The following DCAF7 variants were observed in gnomAD, a reference collection of about 807,000 sequenced individuals.
DCAF7 encodes DDB1 and CUL4 associated factor 7.
A neutral mutation model predicts 41.2 loss-of-function variants in DCAF7; 4 were observed. The ratio of observed to expected loss-of-function variants is 0.10; its 90% CI spans 0.05 to 0.22. The LOEUF (loss-of-function observed/expected upper bound fraction) is 0.22, where lower values mean the gene tolerates loss of function less well. DCAF7 is among the 10% of genes least tolerant of loss of function. The pLI is 1.00. For missense variants in DCAF7, 131 were observed against 443.2 expected (o/e 0.30, Z 6.32); for synonymous variants, 143 against 164.2 (o/e 0.87, Z 0.99).
intron 1 of DCAF7, 78 bp from the exon 2 acceptor site, chr17:63,578,392 C>CT (rs2033585380): frequency 6.3e-7 from 1 of 1,581,378 alleles, no homozygotes; most frequent in South Asian, 1.1e-5. Flanking sequence ...AAAAAAACCT[C>CT]TGTCACTGAC....
At chr17:63,560,267 G>A (rs904348141) in intron 1 of DCAF7, among the ~76,000 whole-genome samples, 1 of 152,118 alleles carries the variant, frequency 6.6e-6, no homozygotes, top group Admixed American at 6.6e-5. Flanking sequence ...ATTTAAATTG[G>A]CATTATTTTC....
Position 63,593,436 on chromosome 17 carries a change from A to T in DCAF7, c.*4264A>T, listed in dbSNP as rs1340087753. ...GATGTCATTTTTAAAATATGGAAAC[A>T]TGCAGGTGCCTTCCCAAAGAGGCTT... is the stretch of plus-strand genomic sequence containing the variant. On this transcript the variant is annotated 3_prime_UTR_variant, in exon 7 of 7. Transcript: ENST00000614556. The T allele has an allele frequency of 6.5e-6, 1 of 152,796 alleles. No individual in the cohort carries two copies. The highest frequency in any genetic ancestry group is 2.4e-5 in the African/African-American group (1 of 41,588). The allele number at this position is 152,796 out of a possible 1,614,324, so 9.5% of individuals were successfully genotyped here. A position where few individuals can be genotyped will look rare whatever the true frequency, so the allele number is the denominator to read the frequency against.
intron 1 of DCAF7, among the ~76,000 whole-genome samples, chr17:63,574,612 G>T (rs555328671): frequency 1.3e-5 from 2 of 152,272 alleles, no homozygotes; most frequent in African/African-American, 4.8e-5. Flanking sequence ...TAGAAGCCAA[G>T]ATTAATGTAC....
intron 1 of DCAF7, among the ~76,000 whole-genome samples, chr17:63,575,762 G>A (rs2033555755): frequency 6.6e-6 from 1 of 152,182 alleles, no homozygotes; most frequent in Admixed American, 6.5e-5. Context: ...ACTTAATATT[G>A]TAAGATGTCA....
chr17:63,582,242 A>C (rs770466795), intron 4 of DCAF7, among the ~76,000 whole-genome samples: 8 of 152,150 alleles, frequency 5.3e-5, no homozygotes, highest in Non-Finnish European at 8.8e-5. Context: ...CATAGCCAGA[A>C]AAAAAAGGAA....
intron 1 of DCAF7, among the ~76,000 whole-genome samples, chr17:63,561,306 G>A (rs1448401732): frequency 1.3e-5 from 2 of 152,096 alleles, no homozygotes; most frequent in South Asian, 2.1e-4. Flanking sequence ...AGAATAAAAA[G>A]TCATAAGTCT....
rs2033736390 is a variant in DCAF7, at chr17:63,591,819, A to C, written c.*2647A>C. 1 of 152,270 alleles carries C rather than the reference A, an allele frequency of 6.6e-6. No individual in the cohort carries two copies. Among genetic ancestry groups the C allele is most frequent in the Admixed American group, 6.5e-5 (1 of 15,284 alleles). The allele number at this position is 152,270 out of a possible 1,614,324, so 9.4% of individuals were successfully genotyped here. A position where few individuals can be genotyped will look rare whatever the true frequency, so the allele number is the denominator to read the frequency against. The stretch of plus-strand genomic sequence containing the variant: ...GACTGCGGGAGGAGCAGCCACTAGG[A>C]CTTTAGCAGGAAGCCCACATGGAGG... On this transcript the variant is annotated 3_prime_UTR_variant, in exon 7 of 7. Coordinates refer to ENST00000614556, the MANE Select transcript of DCAF7 (RefSeq NM_005828.5).
chr17:63,553,544 A>G (rs899969982), intron 1 of DCAF7, among the ~76,000 whole-genome samples: 6 of 152,208 alleles, frequency 3.9e-5, no homozygotes, highest in African/African-American at 1.4e-4. Context: ...CGACTTCATA[A>G]TTTGGAGGAA....
intron 1 of DCAF7, among the ~76,000 whole-genome samples, chr17:63,567,315 A>G (rs187508487): frequency 4.6e-5 from 7 of 152,324 alleles, no homozygotes. Flanking sequence ...TGAACAAAAA[A>G]AAATTGAACA....
rs996541074 is a variant in DCAF7, at chr17:63,579,811, C to T, written c.410-14C>T. The T allele has an allele frequency of 5.0e-6, 8 of 1,609,066 alleles. No homozygotes were observed. The African/African-American group carries it at 5.3e-5, about 11-fold the overall frequency. ...TTGGTCCCGTCAGCCCTGACTTGCACTGGTTGTTTGCAGGTACCTCAAGCA... is the reference window on the plus strand; with the variant it reads ...TTGGTCCCGTCAGCCCTGACTTGCATTGGTTGTTTGCAGGTACCTCAAGCA... On this transcript the variant is annotated splice_polypyrimidine_tract_variant and intron_variant, in intron 3 of 6. Transcript: ENST00000614556.
At chr17:63,566,882 A>G (rs1206210439) in intron 1 of DCAF7, among the ~76,000 whole-genome samples, 1 of 152,178 alleles carries the variant, frequency 6.6e-6, no homozygotes, top group Non-Finnish European at 1.5e-5. Context: ...CCACCGCTCT[A>G]CAGTTTGGGT....
At chr17:63,574,585 C>T (rs1312332353) in intron 1 of DCAF7, among the ~76,000 whole-genome samples, 1 of 152,114 alleles carries the variant, frequency 6.6e-6, no homozygotes, top group Non-Finnish European at 1.5e-5. Context: ...AAACTAATAA[C>T]TAATGTAGCA....
At position 63,583,499 on chromosome 17, in the gene DCAF7, C is replaced by T. The variant is rs369270119; in HGVS notation, c.529-3C>T. 12 of 1,613,134 alleles carry T rather than the reference C, an allele frequency of 7.4e-6. No homozygotes were observed. The African/African-American group carries it at 1.6e-4, about 22-fold the overall frequency. On this transcript the variant is annotated splice_polypyrimidine_tract_variant and splice_region_variant and intron_variant, in intron 4 of 6. Coordinates refer to ENST00000614556, the MANE Select transcript of DCAF7 (RefSeq NM_005828.5). ...CTGACTGGAGCTTCTTGTTCACCAA[C>T]AGGTCTATGATATTGCATTTAGCCG... is the stretch of plus-strand genomic sequence containing the variant.
intron 1 of DCAF7, among the ~76,000 whole-genome samples, chr17:63,552,095 T>G (rs573083662): frequency 2.1e-4 from 32 of 151,426 alleles, no homozygotes; most frequent in African/African-American, 4.6e-4. Context: ...AAAAGAAGAA[T>G]AAAACTGTTC....
Position 63,589,220 on chromosome 17 carries a change from C to T in DCAF7, c.*48C>T, listed in dbSNP as rs985625967. 2 of 1,606,296 alleles carry T rather than the reference C, an allele frequency of 1.2e-6. No homozygotes were observed. The highest frequency in any genetic ancestry group is 1.7e-6 in the Non-Finnish European group (2 of 1,176,832). On this transcript the variant is annotated 3_prime_UTR_variant, in exon 7 of 7. Transcript: ENST00000614556. ...AGGCAGGGGCTTTTGTATTTCCTGC[C>T]TCTGCCCCACCCCCAAAGTAAGAAG...
At chr17:63,558,744 C>T (rs2033337104) in intron 1 of DCAF7, among the ~76,000 whole-genome samples, 1 of 152,188 alleles carries the variant, frequency 6.6e-6, no homozygotes, top group African/African-American at 2.4e-5. Flanking sequence ...GCATAGGCCA[C>T]CATACCTGGC....
chr17:63,567,662 C>CT (rs967172228), intron 1 of DCAF7, among the ~76,000 whole-genome samples: 6 of 151,972 alleles, frequency 3.9e-5, no homozygotes, highest in South Asian at 2.1e-4. Flanking sequence ...TGGCGTCCTT[C>CT]TTTTTTTTCC....
At chr17:63,573,999 G>A (rs2147771039) in intron 1 of DCAF7, among the ~76,000 whole-genome samples, 1 of 152,222 alleles carries the variant, frequency 6.6e-6, no homozygotes, top group African/African-American at 2.4e-5. Flanking sequence ...TTCATCGGGG[G>A]AAGGTGAAGG....
At position 63,550,831 on chromosome 17, in the gene DCAF7, G is replaced by A. The variant is rs778205012; in HGVS notation, c.138+16G>A. 5 of 1,611,054 alleles carry A rather than the reference G, an allele frequency of 3.1e-6. No homozygotes were observed. Among genetic ancestry groups the A allele is most frequent in the Non-Finnish European group, 2.5e-6 (3 of 1,178,510 alleles). On this transcript the variant is annotated intron_variant, in intron 1 of 6. Transcript: ENST00000614556. This position sits in a 1 kb window ranked among gnomAD's most constrained non-coding sequence, Gnocchi z 4.8. ...CAACAACAAGGTGGGCCGGGCAGGGGCTCGGAACCCAGCTGGCGGGGAGCG... is the reference window on the plus strand; with the variant it reads ...CAACAACAAGGTGGGCCGGGCAGGGACTCGGAACCCAGCTGGCGGGGAGCG...
Sources: allele counts gnomAD v4.1 joint callset (sites outside exome capture counted in the v4.1 genomes callset), GRCh38; gene constraint gnomAD v4.1.1; non-coding constraint Gnocchi (gnomAD v3.1); transcripts MANE v1.5; gene names NCBI Gene and HGNC (gene_info 2026-07-23, HGNC 2026-07-21).